ANKRD29: variants seen among roughly 807,000 people sequenced by gnomAD.
ANKRD29 encodes ankyrin repeat domain 29.
Under a neutral mutation model 38.0 loss-of-function variants are expected in ANKRD29, and 32 were observed. That is an observed-to-expected ratio of 0.84 (90% CI 0.64 to 1.13). The LOEUF (loss-of-function observed/expected upper bound fraction) is 1.13. Ranked by LOEUF, ANKRD29 falls within the 50% of genes most tolerant of loss-of-function variation. The pLI is 0.00. For missense variants in ANKRD29, 357 were observed against 377.9 expected (o/e 0.94, Z 0.46); for synonymous variants, 135 against 152.4 (o/e 0.89, Z 0.84).
intron 4 of ANKRD29, 63 bp from the exon 5 acceptor site, chr18:23,634,212 G>T (rs2059971744): frequency 2.5e-6 from 3 of 1,212,736 alleles, no homozygotes; most frequent in Non-Finnish European, 2.4e-6. Context: ...ACCAGCAGAT[G>T]TTCCTCACAT....
chr18:23,619,441 A>T, intron 7 of ANKRD29, 90 bp downstream of exon 7: 1 of 1,253,008 alleles, frequency 8.0e-7, no homozygotes, highest in Non-Finnish European at 1.1e-6. Context: ...GAGGAAACCC[A>T]TGTGGGCTGC....
intron 9 of ANKRD29, among the ~76,000 whole-genome samples, chr18:23,608,368 G>C (rs935934043): frequency 7.9e-5 from 12 of 152,200 alleles, no homozygotes; most frequent in African/African-American, 2.9e-4. Context: ...CTCCTCCCAG[G>C]TGTCTGAGGG....
chr18:23,609,442 G>A (rs2059613183), intron 9 of ANKRD29, among the ~76,000 whole-genome samples: 1 of 152,100 alleles, frequency 6.6e-6, no homozygotes, highest in Non-Finnish European at 1.5e-5. Flanking sequence ...ATACTGATTT[G>A]AGTAATAATA....
intron 1 of ANKRD29, among the ~76,000 whole-genome samples, chr18:23,653,156 C>G (rs1762725803): frequency 6.6e-6 from 1 of 152,178 alleles, no homozygotes; most frequent in Non-Finnish European, 1.5e-5. Flanking sequence ...TAAGTGCACT[C>G]TATGATGTTT....
rs182333243 is a variant in ANKRD29 at position 23,648,788 on chromosome 18, T to C, written c.132+295A>G. The C allele has an allele frequency of 3.5e-4, 144 of 411,300 alleles. 2 individuals carry two copies. The South Asian group carries it at 7.6e-3, about 22-fold the overall frequency. The allele number at this position is 411,300 out of a possible 1,614,324, so 25.5% of individuals were successfully genotyped here. On this transcript the variant is annotated intron_variant, in intron 2 of 9. Transcript: ENST00000592179. ...ATGGAAGTGGTTGGCTTGAATTCTT[T>C]CACTAAACAGGCTTTTCTTCTTGTA...
At position 23,631,862 on chromosome 18, in the gene ANKRD29, C is replaced by T. The variant is rs1021803126; in HGVS notation, c.430-1911G>A. Among the ~76,000 whole-genome samples the T allele has an allele frequency of 2.6e-5, 4 of 152,306 alleles. No homozygotes were observed. The South Asian group carries it at 8.3e-4, about 32-fold the overall frequency. On this transcript the variant is annotated intron_variant, in intron 5 of 9. Coordinates refer to ENST00000592179, the MANE Select transcript of ANKRD29 (RefSeq NM_173505.4). Reference sequence around the variant, plus strand: ...CAGCTGAGAGCATGATCCCCGGATGCTCCCTTCAGCCTGACAACATTCGCA... The same window carrying T: ...CAGCTGAGAGCATGATCCCCGGATGTTCCCTTCAGCCTGACAACATTCGCA...
chr18:23,627,614 C>T (rs1174052496), intron 6 of ANKRD29, among the ~76,000 whole-genome samples: 2 of 152,050 alleles, frequency 1.3e-5, no homozygotes, highest in Non-Finnish European at 2.9e-5. Flanking sequence ...CTTATATCGA[C>T]TTGGTTTTTT....
intron 1 of ANKRD29, among the ~76,000 whole-genome samples, chr18:23,659,662 G>A (rs1465442582): frequency 2.0e-5 from 3 of 151,660 alleles, no homozygotes; most frequent in Admixed American, 2.0e-4. Flanking sequence ...AGAATTGCTT[G>A]AACCCGGGAG....
chr18:23,602,646 G>A (rs190124987), intron 9 of ANKRD29, among the ~76,000 whole-genome samples: 214 of 152,126 alleles, frequency 1.4e-3, no homozygotes, highest in African/African-American at 4.7e-3. Flanking sequence ...AGGGCTATGC[G>A]CAGTGGCTCA....
At chr18:23,623,390 A>G (rs1201654218) in intron 6 of ANKRD29, among the ~76,000 whole-genome samples, 1 of 152,098 alleles carries the variant, frequency 6.6e-6, no homozygotes, top group African/African-American at 2.4e-5. Flanking sequence ...TCAGTTGATT[A>G]TTTAGTTTAT....
intron 1 of ANKRD29, among the ~76,000 whole-genome samples, chr18:23,656,085 T>C (rs2145739538): frequency 7.5e-6 from 1 of 132,528 alleles, no homozygotes. Flanking sequence ...AGAGCGAGAC[T>C]CCGTCTCAAA....
rs577256441 is a variant in ANKRD29 at position 23,606,424 on chromosome 18, T to A, written c.823-5115A>T. Among the ~76,000 whole-genome samples the A allele has an allele frequency of 9.2e-5, 14 of 152,348 alleles. No homozygotes were observed. In the South Asian group the frequency reaches 2.9e-3, roughly 32 times the overall value. ...CATGAACTACCTCAACTGGCTAACA[T>A]CTTTTTATTATCAAGAATATGGTTT... On this transcript the variant is annotated intron_variant, in intron 9 of 9. Coordinates refer to ENST00000592179, the MANE Select transcript of ANKRD29 (RefSeq NM_173505.4).
chr18:23,603,210 C>G (rs1440853568), intron 9 of ANKRD29, among the ~76,000 whole-genome samples: 1 of 152,238 alleles, frequency 6.6e-6, no homozygotes, highest in Non-Finnish European at 1.5e-5. Flanking sequence ...AACTTTAAAA[C>G]CCACAGGTTT....
At chr18:23,622,356 A>T (rs1322180015) in intron 6 of ANKRD29, among the ~76,000 whole-genome samples, 2 of 151,938 alleles carry the variant, frequency 1.3e-5, no homozygotes, top group Non-Finnish European at 2.9e-5. Flanking sequence ...TGGTGCCAAT[A>T]CTAATGCGCT....
intron 3 of ANKRD29, among the ~76,000 whole-genome samples, chr18:23,644,922 T>G (rs1391742284): frequency 6.6e-6 from 1 of 152,206 alleles, no homozygotes; most frequent in Non-Finnish European, 1.5e-5. Flanking sequence ...CCCAGGCCTA[T>G]GTTACACCTG....
At chr18:23,648,777 C>T (rs2060172405) in intron 2 of ANKRD29, 1 of 410,506 alleles carries the variant, frequency 2.4e-6, no homozygotes, top group African/African-American at 2.1e-5. Flanking sequence ...AAGTGGTTGG[C>T]TTGAATTCTT....
At chr18:23,629,220 A>G (rs1323468225) in intron 6 of ANKRD29, among the ~76,000 whole-genome samples, 1 of 152,240 alleles carries the variant, frequency 6.6e-6, no homozygotes, top group Non-Finnish European at 1.5e-5. Flanking sequence ...CCTGGCCTCA[A>G]GTGATCCTCC....
chr18:23,616,761 A>G (rs937980291), intron 8 of ANKRD29, among the ~76,000 whole-genome samples: 3 of 146,980 alleles, frequency 2.0e-5, no homozygotes, highest in Non-Finnish European at 3.0e-5. Flanking sequence ...AATGTTAGTA[A>G]GCATTACTAT....
At position 23,634,293 on chromosome 18, in the gene ANKRD29, T is replaced by C. The variant is rs1450131498; in HGVS notation, c.331-144A>G. ...CACTTTCCCTGTTTTTTTTTTTTTTTTTTTTTTTTTTTTTGAGATGGAGTC... is the reference window on the plus strand; with the variant it reads ...CACTTTCCCTGTTTTTTTTTTTTTTCTTTTTTTTTTTTTTGAGATGGAGTC... On this transcript the variant is annotated intron_variant, in intron 4 of 9. Transcript: ENST00000592179. The C allele has an allele frequency of 2.4e-5, 11 of 462,736 alleles. No homozygotes were observed. In the South Asian group the frequency reaches 2.7e-4, roughly 11 times the overall value. 28.7% of individuals were successfully genotyped at this position (462,736 alleles called of 1,614,324 possible).
Sources: allele counts gnomAD v4.1 joint callset (sites outside exome capture counted in the v4.1 genomes callset), GRCh38; gene constraint gnomAD v4.1.1; transcripts MANE v1.5; gene names NCBI Gene and HGNC (gene_info 2026-07-23, HGNC 2026-07-21).